HSP90AA1: variants seen among roughly 807,000 people sequenced by gnomAD.
HSP90AA1 encodes the protein heat shock protein 90 alpha family class A member 1.
In HSP90AA1, 18 loss-of-function variants were observed where a neutral mutation model predicts 73.3. The observed-to-expected ratio is 0.25, with a 90% CI of 0.17 to 0.36. HSP90AA1 has a LOEUF of 0.36. Ranked by LOEUF, HSP90AA1 falls within the 10% of genes least tolerant of loss-of-function variation. The pLI is 1.00. For missense variants in HSP90AA1, 704 were observed against 874.2 expected (o/e 0.81, Z 2.45); for synonymous variants, 477 against 296.9 (o/e 1.61, Z -6.24).
Position 102,082,307 on chromosome 14 carries a change from C to T in HSP90AA1, c.1893G>A (p.Lys631=). 1 of 1,613,952 alleles carries T rather than the reference C, an allele frequency of 6.2e-7. No homozygotes were observed. Among genetic ancestry groups the T allele is most frequent in the Middle Eastern group, 1.7e-4 (1 of 6,056 alleles). The change falls in exon 10 of 11, where the codon AAG becomes AAA. Residue 631 remains lysine (K), a synonymous_variant. Transcript: ENST00000216281. ...GGTCAGGGTTTATCTCCAGGTGTTT[C>T]TTTGCTGCCATGTAACCCATTGTTG... The part of the protein sequence containing the change: ...DNSTMGYMAA[K]KHLEINPDHS...
Position 102,085,434 on chromosome 14 carries a change from G to A in HSP90AA1, c.530-3C>T, listed in dbSNP as rs1485358800. The A allele has an allele frequency of 3.1e-6, 5 of 1,589,900 alleles. No homozygotes were observed. Among genetic ancestry groups the A allele is most frequent in the African/African-American group, 2.9e-5 (2 of 67,970 alleles). ...TGTTCCACGACCCATAGGTTCACCT[G>A]CAAGAGAAGAAAGAAAAATTGACTT... On this transcript the variant is annotated splice_polypyrimidine_tract_variant and splice_region_variant and intron_variant, in intron 3 of 10. Transcript: ENST00000216281.
intron 2 of HSP90AA1, among the ~76,000 whole-genome samples, chr14:102,098,182 G>T (rs1283065386): frequency 6.6e-6 from 1 of 151,438 alleles, no homozygotes; most frequent in East Asian, 1.9e-4. Context: ...GTTTTTTTGA[G>T]ACAGAGTCTC....
intron 1 of HSP90AA1, among the ~76,000 whole-genome samples, chr14:102,108,263 C>CAAA (rs34157305): frequency 4.9e-4 from 39 of 79,792 alleles, no homozygotes; most frequent in South Asian, 1.5e-3. Context: ...ACCTTGTCTC[C>CAAA]AAAAAAAAAA....
At position 102,085,904 on chromosome 14, in the gene HSP90AA1, A is replaced by G; in HGVS notation, c.383T>C (p.Ile128Thr). The G allele has an allele frequency of 1.2e-6, 2 of 1,613,982 alleles. No individual in the cohort carries two copies. The highest frequency in any genetic ancestry group is 1.7e-6 in the Non-Finnish European group (2 of 1,179,870). ...AACACCGAACTGGCCAATCATAGAG[A>G]TATCTGCACCAGCCTGCAAAGCTTC... is the stretch of plus-strand genomic sequence containing the variant. The part of the protein sequence containing the change: ...FMEALQAGAD[I>T]SMIGQFGVGF... The change falls in exon 3 of 11, where the codon ATC (isoleucine) becomes ACC (threonine). Residue 128 changes from isoleucine to threonine, a missense_variant. Transcript: ENST00000216281.
At chr14:102,124,917 C>T (rs2049822653) in intron 1 of HSP90AA1, among the ~76,000 whole-genome samples, 1 of 152,016 alleles carries the variant, frequency 6.6e-6, no homozygotes, top group Non-Finnish European at 1.5e-5. Context: ...TATTGAGCAC[C>T]AACAATCTAT....
chr14:102,087,135 A>G, upstream of HSP90AA1: 1 of 981,164 alleles, frequency 1.0e-6, no homozygotes, highest in Non-Finnish European at 1.2e-6. Context: ...TTCCGGAAGA[A>G]CCCTCCCCAG....
upstream of HSP90AA1, among the ~76,000 whole-genome samples, chr14:102,091,799 A>AT (rs1004883630): frequency 1.3e-4 from 20 of 151,346 alleles, no homozygotes; most frequent in African/African-American, 3.9e-4. Context: ...GCTAAATTTT[A>AT]TTTTTTTTGT....
At chr14:102,110,817 G>C (rs575528417) in intron 1 of HSP90AA1, among the ~76,000 whole-genome samples, 1 of 152,092 alleles carries the variant, frequency 6.6e-6, no homozygotes, top group African/African-American at 2.4e-5. Flanking sequence ...TCCTGACCTC[G>C]TGATTCACCC....
intron 1 of HSP90AA1, among the ~76,000 whole-genome samples, chr14:102,121,684 G>A (rs926647410): frequency 5.3e-5 from 8 of 152,048 alleles, no homozygotes; most frequent in African/African-American, 1.7e-4. Context: ...GTTTCAATTT[G>A]CATTTCTTTA....
upstream of HSP90AA1, chr14:102,087,320 C>A: frequency 6.6e-6 from 2 of 304,842 alleles, no homozygotes; most frequent in Non-Finnish European, 9.6e-6. Context: ...CTGCGCGGCC[C>A]GGAATTCTCG....
At chr14:102,110,853 T>C (rs1231158602) in intron 1 of HSP90AA1, among the ~76,000 whole-genome samples, 2 of 152,288 alleles carry the variant, frequency 1.3e-5, no homozygotes, top group Non-Finnish European at 2.9e-5. Context: ...AGTGCTAGGA[T>C]TACAGGCGTG....
At chr14:102,119,956 T>G (rs2049755603) in intron 1 of HSP90AA1, among the ~76,000 whole-genome samples, 1 of 152,200 alleles carries the variant, frequency 6.6e-6, no homozygotes, top group Non-Finnish European at 1.5e-5. Context: ...TGAAGTTTCC[T>G]AAGGGGTATG....
At chr14:102,115,990 C>T (rs569206369) in intron 1 of HSP90AA1, among the ~76,000 whole-genome samples, 55 of 143,298 alleles carry the variant, frequency 3.8e-4, no homozygotes, top group East Asian at 8.4e-4. Context: ...CTTGCTCTGT[C>T]GCCCAGGCTA....
chr14:102,129,598 G>A (rs994151902), intron 1 of HSP90AA1, among the ~76,000 whole-genome samples: 1 of 151,428 alleles, frequency 6.6e-6, no homozygotes, highest in African/African-American at 2.4e-5. Context: ...CGCCTCCCGG[G>A]TTCAAGCAAT....
chr14:102,087,811 A>G (rs947331881), upstream of HSP90AA1, among the ~76,000 whole-genome samples: 2 of 152,126 alleles, frequency 1.3e-5, no homozygotes, highest in African/African-American at 4.8e-5. Flanking sequence ...GACTTGGTGA[A>G]CAAATTCATG....
chr14:102,091,389 G>A (rs1323078615), upstream of HSP90AA1, among the ~76,000 whole-genome samples: 2 of 152,070 alleles, frequency 1.3e-5, no homozygotes, highest in Non-Finnish European at 2.9e-5. Flanking sequence ...TTGGGAGGCT[G>A]AGGCAGACCA....
intron 5 of HSP90AA1, 43 bp downstream of exon 5, chr14:102,084,638 T>G: frequency 6.2e-7 from 1 of 1,614,094 alleles, no homozygotes. Flanking sequence ...TGGAGAAAGA[T>G]GATAATCTAA....
At chr14:102,119,837 C>T (rs895950520) in intron 1 of HSP90AA1, among the ~76,000 whole-genome samples, 15 of 152,106 alleles carry the variant, frequency 9.9e-5, no homozygotes, top group African/African-American at 3.1e-4. Context: ...AGCAGTAATC[C>T]GTGGAATGAT....
exon 2 of HSP90AA1, chr14:102,101,987 G>A (rs1303642963): frequency 6.2e-7 from 1 of 1,613,936 alleles, no homozygotes; most frequent in Non-Finnish European, 8.5e-7. Context: ...GACGTGGAAG[G>A]GCTGTTTCCA....
Sources: allele counts gnomAD v4.1 joint callset (sites outside exome capture counted in the v4.1 genomes callset), GRCh38; gene constraint gnomAD v4.1.1; transcripts MANE v1.5; gene names NCBI Gene and HGNC (gene_info 2026-07-23, HGNC 2026-07-21).